The following SNTG1 variants were observed in gnomAD, a reference collection of about 807,000 sequenced individuals.
SNTG1 encodes syntrophin gamma 1.
Under a neutral mutation model 74.7 loss-of-function variants are expected in SNTG1, and 39 were observed. The observed-to-expected ratio is 0.52, with a 90% CI of 0.40 to 0.68. The LOEUF (loss-of-function observed/expected upper bound fraction) is 0.68. Ranked by LOEUF, SNTG1 falls within the 30% of genes least tolerant of loss-of-function variation. The pLI is 0.00. For synonymous variants in SNTG1, 254 were observed against 217.1 expected (o/e 1.17, Z -1.49); for missense variants, 685 against 609.5 (o/e 1.12, Z -1.30).
rs187841156 is a variant in SNTG1, at chr8:49,920,199, C to T, written c.-103+7968C>T. Among the ~76,000 whole-genome samples, 294 of 152,066 alleles carry T rather than the reference C, an allele frequency of 1.9e-3. 1 individual carries two copies. Among genetic ancestry groups the T allele is most frequent in the African/African-American group, 6.9e-3 (286 of 41,510 alleles). ...GTTTCAGTATAAAGTCTTCATAGGG[C>T]ATAATAAATGCATTTGGGAAAATGT... is the stretch of plus-strand genomic sequence containing the variant. On this transcript the variant is annotated intron_variant, in intron 1 of 18. Coordinates refer to ENST00000642720, the MANE Select transcript of SNTG1 (RefSeq NM_018967.5).
At chr8:50,375,022 G>GTGAA (rs1246744617) in intron 2 of SNTG1, among the ~76,000 whole-genome samples, 10 of 152,208 alleles carry the variant, frequency 6.6e-5, no homozygotes, top group African/African-American at 2.4e-4. Context: ...TAATTGCAGA[G>GTGAA]TGAATGTCTG....
At chr8:50,613,279 T>C (rs563055979) in intron 13 of SNTG1, among the ~76,000 whole-genome samples, 2 of 152,232 alleles carry the variant, frequency 1.3e-5, no homozygotes, top group East Asian at 3.9e-4. Context: ...GCTCAAAATT[T>C]CCTGAGTTTA....
chr8:50,560,036 A>C (rs772492675), intron 12 of SNTG1, among the ~76,000 whole-genome samples: 1 of 151,902 alleles, frequency 6.6e-6, no homozygotes, highest in African/African-American at 2.4e-5. Flanking sequence ...AAGAACAAAA[A>C]TACGTTAAAA....
At chr8:50,047,180 A>C (rs1305982205) in intron 1 of SNTG1, among the ~76,000 whole-genome samples, 1 of 152,076 alleles carries the variant, frequency 6.6e-6, no homozygotes, top group Admixed American at 6.6e-5. Context: ...GTCTACAAAA[A>C]ACACAAATGT....
intron 1 of SNTG1, among the ~76,000 whole-genome samples, chr8:50,155,700 T>G (rs1240603727): frequency 6.6e-6 from 1 of 151,952 alleles, no homozygotes; most frequent in African/African-American, 2.4e-5. Flanking sequence ...TTTTTTATAT[T>G]AGAAAGAATA....
At chr8:50,787,349 T>C (rs1193090158) in intron 18 of SNTG1, among the ~76,000 whole-genome samples, 5 of 151,794 alleles carry the variant, frequency 3.3e-5, no homozygotes, top group African/African-American at 1.2e-4. Flanking sequence ...ACAATAATAA[T>C]GATTAGTGAG....
At chr8:50,074,422 A>C (rs1266985520) in intron 1 of SNTG1, among the ~76,000 whole-genome samples, 1 of 152,176 alleles carries the variant, frequency 6.6e-6, no homozygotes, top group Non-Finnish European at 1.5e-5. Flanking sequence ...TCATATCAGC[A>C]ACTGTAGAGT....
At chr8:50,553,220 GGCTT>G in intron 12 of SNTG1, 41 bp downstream of exon 12, 7 of 1,611,522 alleles carry the variant, frequency 4.3e-6, no homozygotes, top group Non-Finnish European at 5.9e-6. Flanking sequence ...GGGTTTCTCA[GGCTT>G]TATAAAATCC....
At chr8:50,771,383 T>G (rs1035692005) in intron 18 of SNTG1, among the ~76,000 whole-genome samples, 1 of 152,094 alleles carries the variant, frequency 6.6e-6, no homozygotes, top group East Asian at 1.9e-4. Flanking sequence ...AAGGTCAAAC[T>G]TAAGAGTGAT....
intron 8 of SNTG1, among the ~76,000 whole-genome samples, chr8:50,460,427 C>T (rs867816623): frequency 3.9e-5 from 6 of 151,928 alleles, no homozygotes; most frequent in South Asian, 2.1e-4. Flanking sequence ...TCTCCCATTC[C>T]GTAGGTTGTA....
rs115411554 is a variant in SNTG1, at chr8:50,438,322, A to C, written c.163-221A>C. ...CTTATTTTTAAGAGTTTAGGAGTTT[A>C]TAACGCTTCAGTCCCTGTTATTTTA... On this transcript the variant is annotated intron_variant, in intron 4 of 18. Coordinates refer to ENST00000642720, the MANE Select transcript of SNTG1 (RefSeq NM_018967.5). Among the ~76,000 whole-genome samples the C allele has an allele frequency of 5.4e-3, 821 of 152,354 alleles. 14 individuals are homozygous for C. Among genetic ancestry groups the C allele is most frequent in the African/African-American group, 0.019 (784 of 41,590 alleles).
At chr8:50,777,134 A>G (rs919595656) in intron 18 of SNTG1, among the ~76,000 whole-genome samples, 3 of 151,120 alleles carry the variant, frequency 2.0e-5, no homozygotes, top group East Asian at 1.9e-4. Flanking sequence ...ACCAATTTCA[A>G]TGAATTTTCG....
At chr8:49,995,029 G>T (rs1297489655) in intron 1 of SNTG1, among the ~76,000 whole-genome samples, 1 of 152,128 alleles carries the variant, frequency 6.6e-6, no homozygotes, top group South Asian at 2.1e-4. Context: ...ATGGTAAGAT[G>T]ATGTGAACTT....
chr8:50,128,055 A>T (rs2081202308), intron 1 of SNTG1, among the ~76,000 whole-genome samples: 5 of 152,256 alleles, frequency 3.3e-5, no homozygotes, highest in South Asian at 4.1e-4. Context: ...TCAAACTTTA[A>T]ATCACTGAAA....
At position 50,087,459 on chromosome 8, in the gene SNTG1, A is replaced by T. The variant is rs373940978; in HGVS notation, c.-102-85102A>T. Reference sequence around the variant, plus strand: ...TTTCAATAATGTCAAGCCTCTTTACACAGTGTCAAAATCATGCTAAAATGT... The same window carrying T: ...TTTCAATAATGTCAAGCCTCTTTACTCAGTGTCAAAATCATGCTAAAATGT... On this transcript the variant is annotated intron_variant, in intron 1 of 18. Transcript: ENST00000642720. 1.2e-4 allele frequency among the ~76,000 whole-genome samples: 18 copies of T among 152,278 alleles called. No individual in the cohort carries two copies. The East Asian group carries it at 1.9e-3, about 16-fold the overall frequency.
intron 2 of SNTG1, among the ~76,000 whole-genome samples, chr8:50,356,886 G>A (rs2091831050): frequency 6.6e-6 from 1 of 152,166 alleles, no homozygotes; most frequent in South Asian, 2.1e-4. Context: ...GTACAGTGCT[G>A]GACTCACTGC....
intron 1 of SNTG1, among the ~76,000 whole-genome samples, chr8:49,993,654 A>G (rs1198047644): frequency 2.0e-5 from 3 of 152,074 alleles, no homozygotes; most frequent in Non-Finnish European, 4.4e-5. Flanking sequence ...GAGAACATAT[A>G]GTGTTTGGTT....
chr8:50,231,279 G>T (rs1388774367), intron 2 of SNTG1, among the ~76,000 whole-genome samples: 3 of 151,330 alleles, frequency 2.0e-5, no homozygotes, highest in African/African-American at 7.3e-5. Flanking sequence ...ATACACTAAT[G>T]GTGGGAATGT....
At chr8:50,471,496 A>C (rs1460825049) in intron 8 of SNTG1, among the ~76,000 whole-genome samples, 1 of 152,222 alleles carries the variant, frequency 6.6e-6, no homozygotes, top group African/African-American at 2.4e-5. Flanking sequence ...AAGCAGCAGA[A>C]ACTCATTCAC....
Sources: allele counts gnomAD v4.1 joint callset (sites outside exome capture counted in the v4.1 genomes callset), GRCh38; gene constraint gnomAD v4.1.1; transcripts MANE v1.5; gene names NCBI Gene and HGNC (gene_info 2026-07-23, HGNC 2026-07-21).